The following RAD51B variants were observed in gnomAD, a reference collection of about 807,000 sequenced individuals.
RAD51B encodes the protein RAD51 paralog B.
RAD51B carries 38 observed loss-of-function variants against 42.2 expected under a neutral mutation model. The observed-to-expected ratio is 0.90, with a 90% CI of 0.70 to 1.18. RAD51B has a LOEUF of 1.18. Among genes scored for constraint, RAD51B ranks in the 50% most tolerant of loss-of-function variants. The probability of loss-of-function intolerance (pLI) is 0.00; values close to 1 mark genes in which losing one functional copy is unlikely to be tolerated. For synonymous variants in RAD51B, 154 were observed against 145.2 expected (o/e 1.06, Z -0.43); for missense variants, 373 against 400.7 (o/e 0.93, Z 0.59).
chr14:68,474,547 A>T (rs1882393181), intron 10 of RAD51B, among the ~76,000 whole-genome samples: 1 of 152,240 alleles, frequency 6.6e-6, no homozygotes, highest in Non-Finnish European at 1.5e-5. Context: ...ACTGAGTTCC[A>T]GAAAGGTAAA....
intron 8 of RAD51B, among the ~76,000 whole-genome samples, chr14:68,377,495 G>A (rs2083394239): frequency 6.6e-6 from 1 of 152,112 alleles, no homozygotes; most frequent in South Asian, 2.1e-4. Flanking sequence ...TTGTTTCAAC[G>A]ATGAGCAGAA....
chr14:68,497,231 GA>G, intron 10 of RAD51B: 2 of 1,369,964 alleles, frequency 1.5e-6, no homozygotes, highest in Non-Finnish European at 1.9e-6. Context: ...GTCTTGTGGT[GA>G]AACACCCATC....
intron 7 of RAD51B, among the ~76,000 whole-genome samples, chr14:68,102,072 C>T (rs2077300209): frequency 6.6e-6 from 1 of 152,156 alleles, no homozygotes; most frequent in South Asian, 2.1e-4. Context: ...TGTACCTTGG[C>T]CCCTTTTAAC....
chr14:68,254,516 T>C (rs2080709855), intron 7 of RAD51B, among the ~76,000 whole-genome samples: 1 of 152,242 alleles, frequency 6.6e-6, no homozygotes, highest in Non-Finnish European at 1.5e-5. Context: ...TAGTTAATCT[T>C]GCATTTCAGT....
intron 8 of RAD51B, among the ~76,000 whole-genome samples, chr14:68,397,457 C>A (rs971465120): frequency 4.6e-5 from 7 of 152,342 alleles, no homozygotes; most frequent in African/African-American, 1.7e-4. Flanking sequence ...ACCCTCCACT[C>A]CCCGGGGATT....
chr14:68,258,098 G>A (rs767945337), intron 7 of RAD51B, among the ~76,000 whole-genome samples: 4 of 152,076 alleles, frequency 2.6e-5, no homozygotes, highest in Non-Finnish European at 5.9e-5. Flanking sequence ...AGAAACATAA[G>A]TGAGCTGTGT....
intron 7 of RAD51B, among the ~76,000 whole-genome samples, chr14:68,215,328 A>G (rs2079791825): frequency 6.6e-6 from 1 of 152,162 alleles, no homozygotes; most frequent in Admixed American, 6.5e-5. Context: ...CACAATAATC[A>G]TCACAAATAA....
chr14:67,925,629 C>T (rs891756134), intron 7 of RAD51B, among the ~76,000 whole-genome samples: 3 of 152,156 alleles, frequency 2.0e-5, no homozygotes, highest in African/African-American at 7.2e-5. Flanking sequence ...CTACACTAGG[C>T]TCTGCTCCCC....
At chr14:67,865,738 C>T (rs2042318978) in intron 5 of RAD51B, among the ~76,000 whole-genome samples, 1 of 151,214 alleles carries the variant, frequency 6.6e-6, no homozygotes, top group Non-Finnish European at 1.5e-5. Flanking sequence ...CAGTGTTTCA[C>T]CTTATTGGCC....
rs528661525 is a variant in RAD51B at position 68,674,058 on chromosome 14, A to T, written c.*11+23202A>T. On this transcript the variant is annotated intron_variant, in intron 11 of 11. Coordinates refer to the RAD51B transcript ENST00000488612. ...TGCACACATATATACATCCACACAC[A>T]TATACACATAAACACACATACTGTA... Among the ~76,000 whole-genome samples the T allele has an allele frequency of 2.0e-5, 3 of 151,010 alleles. No homozygotes were observed. The East Asian group carries it at 5.8e-4, about 29-fold the overall frequency.
At chr14:68,121,517 A>T (rs1250564072) in intron 7 of RAD51B, among the ~76,000 whole-genome samples, 1 of 152,114 alleles carries the variant, frequency 6.6e-6, no homozygotes, top group Non-Finnish European at 1.5e-5. Flanking sequence ...GCTAACCTAA[A>T]AACGAAAAAG....
At chr14:67,883,018 T>G (rs1445690906) in intron 5 of RAD51B, among the ~76,000 whole-genome samples, 1 of 152,250 alleles carries the variant, frequency 6.6e-6, no homozygotes, top group Non-Finnish European at 1.5e-5. Context: ...GTGCTGGGAT[T>G]GCAGGCGTGA....
chr14:68,000,391 A>G (rs1023813294), intron 7 of RAD51B: 1 of 152,154 alleles, frequency 6.6e-6, no homozygotes, highest in Non-Finnish European at 1.5e-5. Flanking sequence ...ATGTGACAGT[A>G]CTATAAAGAC....
intron 7 of RAD51B, among the ~76,000 whole-genome samples, chr14:68,121,378 T>A (rs2077648745): frequency 6.6e-6 from 1 of 152,200 alleles, no homozygotes; most frequent in African/African-American, 2.4e-5. Context: ...CTGCTTGCCA[T>A]GCTTCTAAGA....
chr14:68,198,635 G>T (rs927697259), intron 7 of RAD51B, among the ~76,000 whole-genome samples: 2 of 152,102 alleles, frequency 1.3e-5, no homozygotes, highest in Admixed American at 1.3e-4. Flanking sequence ...ATGGTTCTCA[G>T]TGCAGAGGAT....
intron 5 of RAD51B, among the ~76,000 whole-genome samples, chr14:67,868,257 GC>G (rs1180914896): frequency 1.3e-5 from 2 of 152,338 alleles, no homozygotes; most frequent in Admixed American, 6.5e-5. Context: ...GCAGGGCGAG[GC>G]ATTGCCTCAC....
intron 10 of RAD51B, among the ~76,000 whole-genome samples, chr14:68,527,138 C>CA (rs1886985299): frequency 6.6e-6 from 1 of 152,114 alleles, no homozygotes; most frequent in Non-Finnish European, 1.5e-5. Flanking sequence ...CAAAACAAAA[C>CA]AAAAAACGAA....
intron 8 of RAD51B, among the ~76,000 whole-genome samples, chr14:68,354,067 C>G (rs2082844585): frequency 6.6e-6 from 1 of 152,060 alleles, no homozygotes; most frequent in African/African-American, 2.4e-5. Flanking sequence ...GTTTTCTCGA[C>G]AAAGAGATTA....
At chr14:68,469,050 C>G (rs1459184266) in intron 10 of RAD51B, 2 of 476,568 alleles carry the variant, frequency 4.2e-6, no homozygotes, top group African/African-American at 2.0e-5. Context: ...GAGGAAGGAT[C>G]TGCACAGAAG....
Sources: gnomAD v4.1 joint callset for allele counts (sites outside exome capture counted in the v4.1 genomes callset) on GRCh38, gnomAD v4.1.1 for gene constraint, MANE v1.5 for transcripts, NCBI Gene and HGNC (gene_info 2026-07-23, HGNC 2026-07-21) for gene names.